The following SLC25A12 variants were observed in gnomAD, a reference collection of about 807,000 sequenced individuals.
The protein encoded by SLC25A12 is electrogenic aspartate/glutamate antiporter SLC25A12, mitochondrial.
SLC25A12 carries 32 observed loss-of-function variants against 83.3 expected under a neutral mutation model. The observed-to-expected ratio is 0.38, with a 90% CI of 0.29 to 0.52. The LOEUF (loss-of-function observed/expected upper bound fraction) is 0.52. Ranked by LOEUF, SLC25A12 falls within the 20% of genes least tolerant of loss-of-function variation. SLC25A12 has a pLI of 0.84. For synonymous variants in SLC25A12, 267 were observed against 291.1 expected (o/e 0.92, Z 0.84); for missense variants, 611 against 835.6 (o/e 0.73, Z 3.31).
At chr2:171,869,408 G>C (rs1371757013) in intron 2 of SLC25A12, among the ~76,000 whole-genome samples, 1 of 152,116 alleles carries the variant, frequency 6.6e-6, no homozygotes, top group Non-Finnish European at 1.5e-5. Context: ...AAAAGTGAAA[G>C]GGCAGCCAGG....
chr2:171,864,772 T>C (rs1166111373), intron 3 of SLC25A12, among the ~76,000 whole-genome samples: 1 of 152,198 alleles, frequency 6.6e-6, no homozygotes, highest in Non-Finnish European at 1.5e-5. Flanking sequence ...CAGTTAACCA[T>C]GCTTTCTTGG....
chr2:171,891,572 C>T (rs1318676175), intron 2 of SLC25A12, among the ~76,000 whole-genome samples: 3 of 152,166 alleles, frequency 2.0e-5, no homozygotes, highest in Admixed American at 1.3e-4. Context: ...GAATTAACTC[C>T]GTATTCCTAG....
intron 15 of SLC25A12, among the ~76,000 whole-genome samples, chr2:171,789,449 C>T (rs1012907526): frequency 5.9e-5 from 9 of 152,014 alleles, no homozygotes; most frequent in South Asian, 2.1e-4. Context: ...AGGATGGTCT[C>T]GATCTCCTGA....
chr2:171,790,405 A>T (rs565862739), intron 15 of SLC25A12, among the ~76,000 whole-genome samples: 1 of 152,230 alleles, frequency 6.6e-6, no homozygotes, highest in African/African-American at 2.4e-5. Context: ...CTCTCCTTCT[A>T]TTCCAAGTCA....
At chr2:171,808,200 G>C (rs1683875360) in intron 13 of SLC25A12, among the ~76,000 whole-genome samples, 2 of 81,808 alleles carry the variant, frequency 2.4e-5, no homozygotes, top group Non-Finnish European at 5.6e-5. Context: ...TTAAGAATTG[G>C]TCATGCTTAC....
At chr2:171,810,302 C>T (rs1683921994) in intron 11 of SLC25A12, 26 bp from the exon 12 acceptor site, 1 of 1,594,358 alleles carries the variant, frequency 6.3e-7, no homozygotes, top group Non-Finnish European at 8.6e-7. Context: ...GAATCATCAG[C>T]AATATAGCTG....
chr2:171,891,198 C>T (rs992568981), intron 2 of SLC25A12, among the ~76,000 whole-genome samples: 5 of 151,782 alleles, frequency 3.3e-5, no homozygotes, highest in Non-Finnish European at 5.9e-5. Flanking sequence ...CCCAGCTACT[C>T]GGAGGCAAGA....
At chr2:171,787,501 T>C (rs374471565) in intron 17 of SLC25A12, 70 bp downstream of exon 17, 11 of 1,214,752 alleles carry the variant, frequency 9.1e-6, no homozygotes, top group East Asian at 7.0e-5. Context: ...AACAATGCTT[T>C]TGTAGACAGA....
chr2:171,819,475 A>T (rs1211156142), intron 9 of SLC25A12, among the ~76,000 whole-genome samples: 3 of 134,822 alleles, frequency 2.2e-5, no homozygotes, highest in Non-Finnish European at 4.6e-5. Context: ...ATATATATTA[A>T]TATATATATA....
intron 9 of SLC25A12, among the ~76,000 whole-genome samples, chr2:171,820,933 C>A (rs1000007293): frequency 2.0e-5 from 3 of 150,646 alleles, no homozygotes; most frequent in Non-Finnish European, 4.4e-5. Flanking sequence ...ATCTTAATAG[C>A]ACAACATATT....
At chr2:171,860,012 G>A (rs1308204927) in intron 3 of SLC25A12, among the ~76,000 whole-genome samples, 2 of 151,932 alleles carry the variant, frequency 1.3e-5, no homozygotes, top group Non-Finnish European at 2.9e-5. Context: ...CAGGTGATCC[G>A]CCCACCTAGG....
chr2:171,819,441 A>AAT (rs1439172425), intron 9 of SLC25A12, among the ~76,000 whole-genome samples: 1 of 84,896 alleles, frequency 1.2e-5, no homozygotes, highest in Non-Finnish European at 2.4e-5. Context: ...AATAATATAT[A>AAT]ATATATAATA....
chr2:171,838,914 T>C (rs1370502693), intron 5 of SLC25A12, among the ~76,000 whole-genome samples: 2 of 152,128 alleles, frequency 1.3e-5, no homozygotes, highest in East Asian at 1.9e-4. Flanking sequence ...CTCTCTACTT[T>C]TGAGTATATT....
intron 3 of SLC25A12, among the ~76,000 whole-genome samples, chr2:171,858,864 T>G (rs1685094841): frequency 6.6e-6 from 1 of 152,210 alleles, no homozygotes; most frequent in Non-Finnish European, 1.5e-5. Context: ...CACATAGGTT[T>G]CCAATTAAGT....
intron 13 of SLC25A12, among the ~76,000 whole-genome samples, chr2:171,807,157 A>G (rs1463740451): frequency 6.6e-6 from 1 of 152,236 alleles, no homozygotes; most frequent in African/African-American, 2.4e-5. Flanking sequence ...CCCTGAAAGA[A>G]GAGATTTAGA....
At chr2:171,821,183 C>T (rs1458467892) in intron 9 of SLC25A12, among the ~76,000 whole-genome samples, 1 of 151,874 alleles carries the variant, frequency 6.6e-6, no homozygotes, top group South Asian at 2.1e-4. Flanking sequence ...GTGTGCACCA[C>T]TATGCCTGGC....
intron 17 of SLC25A12, among the ~76,000 whole-genome samples, chr2:171,786,403 A>AAAAG (rs1553469034): frequency 1.4e-5 from 2 of 146,348 alleles, no homozygotes; most frequent in African/African-American, 5.0e-5. Flanking sequence ...AAAAAAAAAA[A>AAAAG]AGAGAGAGAG....
chr2:171,837,182 T>A lies in SLC25A12; in HGVS notation c.551A>T (p.Asp184Val), dbSNP rs1164660591. The change falls in exon 6 of 18, where the codon GAC (aspartate) becomes GTC (valine). Residue 184 changes from aspartate (D) to valine (V), a missense_variant. By Grantham distance (152) the Asp-to-Val change is radical (BLOSUM62 -3). Coordinates refer to ENST00000422440, the MANE Select transcript of SLC25A12 (RefSeq NM_003705.5). ...SGMISGLDFSDIMVTIRSHML... is the reference protein window; with the variant it reads ...SGMISGLDFSVIMVTIRSHML... ...GTGAGATCTAATGGTAACCATGATGTCACTGAAATCCAGACCAGAAATCAT... is the reference window on the plus strand; with the variant it reads ...GTGAGATCTAATGGTAACCATGATGACACTGAAATCCAGACCAGAAATCAT... 1 of 1,614,140 alleles carries A rather than the reference T, an allele frequency of 6.2e-7. No homozygotes were observed. The highest frequency in any genetic ancestry group is 1.1e-5 in the South Asian group (1 of 91,082).
chr2:171,828,634 C>T (rs1684363741), intron 8 of SLC25A12, among the ~76,000 whole-genome samples: 1 of 152,112 alleles, frequency 6.6e-6, no homozygotes, highest in Non-Finnish European at 1.5e-5. Context: ...AGTGGAATAG[C>T]CAACACTATT....
Sources: allele counts gnomAD v4.1 joint callset (sites outside exome capture counted in the v4.1 genomes callset), GRCh38; gene constraint gnomAD v4.1.1; transcripts MANE v1.5; gene names NCBI Gene and HGNC (gene_info 2026-07-23, HGNC 2026-07-21).